DIRAS2: variants seen among roughly 807,000 people sequenced by gnomAD.
DIRAS2 encodes DIRAS family GTPase 2, also known as GTP-binding protein Di-Ras2.
A neutral mutation model predicts 13.9 loss-of-function variants in DIRAS2; 5 were observed. The ratio of observed to expected loss-of-function variants is 0.36; its 90% confidence interval spans 0.19 to 0.76. The LOEUF (loss-of-function observed/expected upper bound fraction) is 0.76. DIRAS2 is among the 30% of genes least tolerant of loss of function. DIRAS2 has a pLI of 0.53. For missense variants in DIRAS2, 191 were observed against 263.0 expected, an observed-to-expected ratio of 0.73 and a Z score of 1.89; for synonymous variants, 111 against 105.4, an observed-to-expected ratio of 1.05 and a Z score of -0.33.
chr9:90,613,290 C>G lies in DIRAS2; in HGVS notation c.538G>C (p.Gly180Arg), dbSNP rs746438687. 5.6e-6 allele frequency: 9 copies of G among 1,613,894 alleles called. No homozygotes were observed. Among genetic ancestry groups the G allele is most frequent in the Non-Finnish European group, 7.6e-6 (9 of 1,179,984 alleles). Residue 180 changes from glycine to arginine, a missense_variant, in exon 2 of 2, where the codon GGG becomes CGG. Coordinates refer to ENST00000375765, the MANE Select transcript of DIRAS2 (RefSeq NM_017594.5). This position sits in a 1 kb window ranked among gnomAD's most constrained non-coding sequence, Gnocchi z 5.6. Reference sequence around the variant, plus strand: ...CTTTTCTGCTGCTTGCTCTTTTTCCCGTCGATCTGGAGACTCACGGTCCTG... The same window carrying G: ...CTTTTCTGCTGCTTGCTCTTTTTCCGGTCGATCTGGAGACTCACGGTCCTG... ...KRRTVSLQIDGKKSKQQKRKE... is the reference protein window; with the variant it reads ...KRRTVSLQIDRKKSKQQKRKE...
intron 1 of DIRAS2, among the ~76,000 whole-genome samples, chr9:90,617,699 G>A (rs1230569913): frequency 1.3e-5 from 2 of 151,800 alleles, no homozygotes; most frequent in African/African-American, 4.8e-5. Flanking sequence ...TTCACAAGAG[G>A]GCAACTAGCT....
chr9:90,629,369 T>C (rs954484343), intron 1 of DIRAS2, among the ~76,000 whole-genome samples: 4 of 152,140 alleles, frequency 2.6e-5, no homozygotes, highest in Non-Finnish European at 5.9e-5. Flanking sequence ...ATGCTTAGAA[T>C]CCTCTTTTGA....
intron 1 of DIRAS2, among the ~76,000 whole-genome samples, chr9:90,633,851 G>A (rs765971555): frequency 6.6e-6 from 1 of 152,180 alleles, no homozygotes; most frequent in Non-Finnish European, 1.5e-5. Flanking sequence ...TGAGAAGTAA[G>A]CATAAAACGT....
chr9:90,636,834 G>C (rs145521950), intron 1 of DIRAS2, among the ~76,000 whole-genome samples: 1 of 152,320 alleles, frequency 6.6e-6, no homozygotes, highest in African/African-American at 2.4e-5. Flanking sequence ...TTACCATGTG[G>C]CTACAGTCTG....
chr9:90,623,978 A>G (rs1292762284), intron 1 of DIRAS2, among the ~76,000 whole-genome samples: 1 of 152,244 alleles, frequency 6.6e-6, no homozygotes, highest in Non-Finnish European at 1.5e-5. Context: ...ATTCTGCCCT[A>G]AATGTTCTAT....
intron 1 of DIRAS2, among the ~76,000 whole-genome samples, chr9:90,636,182 C>G (rs1825369264): frequency 6.6e-6 from 1 of 151,714 alleles, no homozygotes. Flanking sequence ...GGACTACAGG[C>G]GCCCGCCACC....
chr9:90,610,908 A>T lies in DIRAS2; in HGVS notation c.*2320T>A, dbSNP rs1825106542. The T allele has an allele frequency of 6.6e-6, 1 of 152,582 alleles. No individual in the cohort carries two copies. The highest frequency in any genetic ancestry group is 1.5e-5 in the Non-Finnish European group (1 of 68,290). 9.5% of individuals were successfully genotyped at this position (152,582 alleles called of 1,614,324 possible). A position where few individuals can be genotyped will look rare whatever the true frequency, so the allele number is the denominator to read the frequency against. ...TGAACACTTAAACATGTAGAAACTG[A>T]TTTGAAAGGGATAAAAGAAATTCTG... On this transcript the variant is annotated 3_prime_UTR_variant, in exon 2 of 2. Transcript: ENST00000375765.
chr9:90,641,948 T>A (rs1056817320), intron 1 of DIRAS2, among the ~76,000 whole-genome samples: 1 of 152,212 alleles, frequency 6.6e-6, no homozygotes, highest in Non-Finnish European at 1.5e-5. Flanking sequence ...TCCACCACAA[T>A]GTTGTATTCC....
chr9:90,628,522 TACACACACACACACAC>T (rs71360439), intron 1 of DIRAS2, among the ~76,000 whole-genome samples: 7 of 149,154 alleles, frequency 4.7e-5, no homozygotes, highest in Non-Finnish European at 7.4e-5. Flanking sequence ...ACAAAATTTA[TACACACACACACACAC>T]ACACACACAC....
At chr9:90,616,019 T>A (rs1413236096) in intron 1 of DIRAS2, among the ~76,000 whole-genome samples, 1 of 152,220 alleles carries the variant, frequency 6.6e-6, no homozygotes, top group African/African-American at 2.4e-5. Context: ...GTATTATGGT[T>A]ATGTAGCTCC....
intron 1 of DIRAS2, among the ~76,000 whole-genome samples, chr9:90,632,217 C>T (rs1201978839): frequency 6.6e-6 from 1 of 152,212 alleles, no homozygotes; most frequent in East Asian, 1.9e-4. Context: ...TTGGCCCTGT[C>T]TCCCTGACAG....
intron 1 of DIRAS2, among the ~76,000 whole-genome samples, chr9:90,639,892 T>G (rs1825403319): frequency 6.6e-6 from 1 of 152,216 alleles, no homozygotes; most frequent in Non-Finnish European, 1.5e-5. Context: ...GCTTAGTTGG[T>G]GATGGCGCCG....
At chr9:90,622,302 T>C (rs755861933) in intron 1 of DIRAS2, among the ~76,000 whole-genome samples, 8 of 149,748 alleles carry the variant, frequency 5.3e-5, no homozygotes, top group Non-Finnish European at 1.0e-4. Context: ...ACATACCCTA[T>C]CAATAAAGAA....
chr9:90,629,133 C>G (rs564920063), intron 1 of DIRAS2, among the ~76,000 whole-genome samples: 20 of 152,300 alleles, frequency 1.3e-4, no homozygotes, highest in Admixed American at 3.9e-4. Flanking sequence ...GGATTACAGG[C>G]GTGAGCCACC....
chr9:90,634,594 A>G (rs1267386361), intron 1 of DIRAS2, among the ~76,000 whole-genome samples: 5 of 152,236 alleles, frequency 3.3e-5, no homozygotes, highest in Non-Finnish European at 1.5e-5. Context: ...ATGAATTCAG[A>G]GTCAGGAACT....
chr9:90,617,287 G>C (rs970011617), intron 1 of DIRAS2, among the ~76,000 whole-genome samples: 2 of 152,178 alleles, frequency 1.3e-5, no homozygotes, highest in African/African-American at 4.8e-5. Flanking sequence ...GGGACAAATG[G>C]GGGAGATATC....
At chr9:90,619,857 T>C (rs1306610513) in intron 1 of DIRAS2, among the ~76,000 whole-genome samples, 1 of 152,190 alleles carries the variant, frequency 6.6e-6, no homozygotes. Flanking sequence ...TGAAATATTA[T>C]TCATCAAGAA....
At chr9:90,624,197 A>G (rs1825247193) in intron 1 of DIRAS2, among the ~76,000 whole-genome samples, 3 of 152,214 alleles carry the variant, frequency 2.0e-5, no homozygotes, top group Admixed American at 2.0e-4. Flanking sequence ...AACAATCAAC[A>G]AAATGTAAAT....
intron 1 of DIRAS2, among the ~76,000 whole-genome samples, chr9:90,614,850 C>T (rs554522027): frequency 6.6e-6 from 1 of 152,202 alleles, no homozygotes; most frequent in African/African-American, 2.4e-5. Context: ...CAAACTTCAC[C>T]CCTAGTTTAA....
Sources: allele counts gnomAD v4.1 joint callset (sites outside exome capture counted in the v4.1 genomes callset), GRCh38; gene constraint gnomAD v4.1.1; non-coding constraint Gnocchi (gnomAD v3.1); transcripts MANE v1.5; gene names NCBI Gene and HGNC (gene_info 2026-07-23, HGNC 2026-07-21).